Variants in HDAC7 observed in about 807,000 individuals in gnomAD.
The protein encoded by HDAC7 is histone deacetylase 7.
Under a neutral mutation model 115.5 loss-of-function variants are expected in HDAC7, and 26 were observed. The ratio of observed to expected loss-of-function variants is 0.23; its 90% confidence interval spans 0.16 to 0.31. HDAC7 has a LOEUF of 0.31. HDAC7 is among the 10% of genes least tolerant of loss of function. The probability of loss-of-function intolerance (pLI) is 1.00; values close to 1 mark genes in which losing one functional copy is unlikely to be tolerated. For missense variants in HDAC7, 1,068 were observed against 1,329.0 expected, an observed-to-expected ratio of 0.80 and a Z score of 3.05; for synonymous variants, 564 against 550.9, an observed-to-expected ratio of 1.02 and a Z score of -0.33.
At chr12:47,799,912 C>G (rs969667465) in intron 2 of HDAC7, among the ~76,000 whole-genome samples, 3 of 152,172 alleles carry the variant, frequency 2.0e-5, no homozygotes, top group Admixed American at 2.0e-4. Flanking sequence ...AGCAGGCCGG[C>G]CCCATGGGAG....
At chr12:47,818,186 G>A (rs1222699501) in intron 1 of HDAC7, among the ~76,000 whole-genome samples, 1 of 152,098 alleles carries the variant, frequency 6.6e-6, no homozygotes, top group Non-Finnish European at 1.5e-5. Flanking sequence ...AGAGACACCC[G>A]CCGAATAAGG....
At chr12:47,792,740 G>A (rs548982549) in intron 13 of HDAC7, 4 of 449,040 alleles carry the variant, frequency 8.9e-6, no homozygotes, top group Admixed American at 2.4e-5. Flanking sequence ...TAATCTAAAT[G>A]TCTAACTGAT....
intron 24 of HDAC7, 23 bp downstream of exon 24, chr12:47,785,364 G>T: frequency 2.5e-6 from 4 of 1,579,604 alleles, no homozygotes; most frequent in Non-Finnish European, 3.5e-6. Context: ...TGAGCTCAGC[G>T]AGTGTCCCAT....
intron 2 of HDAC7, among the ~76,000 whole-genome samples, chr12:47,799,613 C>T (rs1274536330): frequency 1.3e-5 from 2 of 152,232 alleles, no homozygotes; most frequent in African/African-American, 4.8e-5. Context: ...TCATAGGGCC[C>T]ATGTGTCCTT....
intron 2 of HDAC7, among the ~76,000 whole-genome samples, chr12:47,800,678 C>T (rs1944120844): frequency 6.6e-6 from 1 of 152,304 alleles, no homozygotes; most frequent in Non-Finnish European, 1.5e-5. Context: ...CCTGGCTTCC[C>T]GGGGTGACTC....
intron 21 of HDAC7, among the ~76,000 whole-genome samples, chr12:47,787,245 C>CCCG (rs1555196873): frequency 6.6e-6 from 1 of 151,718 alleles, no homozygotes; most frequent in Admixed American, 6.6e-5. Flanking sequence ...CCAGGCCCCC[C>CCCG]CCCAGCTGCC....
chr12:47,789,841 G>T lies in HDAC7; in HGVS notation c.2063C>A (p.Ala688Asp). 6.2e-7 allele frequency: 1 copy of T among 1,613,698 alleles called. No individual in the cohort carries two copies. The highest frequency in any genetic ancestry group is 8.5e-7 in the Non-Finnish European group (1 of 1,179,894). ...TAGCTCACGAGAAGCCACTTTGAAG[G>T]CGAGGTCAGTGACACTGCCAGCGGC... The part of the protein sequence containing the change: ...RWAAGSVTDL[A>D]FKVASRELKN... Residue 688 changes from alanine (A) to aspartate (D), a missense_variant, in exon 17 of 26, where the codon GCC becomes GAC. Physicochemically the swap from Ala to Asp is moderately radical, Grantham distance 126 (BLOSUM62 -2). Around this residue, in one of 6 missense-constraint regions of HDAC7, gnomAD observed 182 missense variants for 301.1 expected, o/e 0.60. Coordinates refer to ENST00000080059, the MANE Select transcript of HDAC7 (RefSeq NM_015401.5).
At chr12:47,808,934 T>C (rs1362026181) in intron 1 of HDAC7, among the ~76,000 whole-genome samples, 1 of 152,212 alleles carries the variant, frequency 6.6e-6, no homozygotes, top group Non-Finnish European at 1.5e-5. Flanking sequence ...GATAGGAAGT[T>C]CACCATGATG....
At chr12:47,809,301 G>A (rs1216698266) in intron 1 of HDAC7, among the ~76,000 whole-genome samples, 1 of 152,058 alleles carries the variant, frequency 6.6e-6, no homozygotes, top group Non-Finnish European at 1.5e-5. Context: ...CTCCTGCTTT[G>A]CCCACTGGTT....
rs61917651 is a variant in HDAC7 at position 47,798,461 on chromosome 12, G to C, written c.349+101C>G. 22,770 of 1,068,214 alleles carry C rather than the reference G, an allele frequency of 0.021. 334 individuals are homozygous for C. The highest frequency in any genetic ancestry group is 0.027 in the Non-Finnish European group (19,017 of 706,400). 66.2% of individuals were successfully genotyped at this position (1,068,214 alleles called of 1,614,324 possible). A position where few individuals can be genotyped will look rare whatever the true frequency, so the allele number is the denominator to read the frequency against. ...GAGGGAAAGCCTCGGCTCAGGCCCA[G>C]CTGGCTGCGGCCCTCCCACCTCACC... is the stretch of plus-strand genomic sequence containing the variant. On this transcript the variant is annotated intron_variant, in intron 4 of 25. Coordinates refer to ENST00000080059, the MANE Select transcript of HDAC7 (RefSeq NM_015401.5). The surrounding 1 kb of genome is among the most constrained non-coding windows in gnomAD (Gnocchi z 4.3).
chr12:47,820,965 G>A (rs1281356312), upstream of HDAC7, among the ~76,000 whole-genome samples: 1 of 152,160 alleles, frequency 6.6e-6, no homozygotes, highest in African/African-American at 2.4e-5. The surrounding 1 kb of genome is among the most constrained non-coding windows in gnomAD (Gnocchi z 4.3). Flanking sequence ...TAAGGACCTC[G>A]CCATTGTGCT....
In HDAC7 at chr12:47,802,642, AAAG is replaced by A. The variant is rs570269080; in HGVS notation, c.20-371_20-369del. On this transcript the variant is annotated intron_variant, in intron 1 of 25. Transcript: ENST00000080059. ...AAACCAGGCTCCCATCGCCCGAGGG[AAAG>A]AAGAAGGCCAAGAGGTGAGGTGGGG... 297 of 644,034 alleles carry A rather than the reference AAAG, an allele frequency of 4.6e-4. 3 individuals carry two copies. In the South Asian group the frequency reaches 5.8e-3, roughly 13 times the overall value. The allele number at this position is 644,034 out of a possible 1,614,324, so 39.9% of individuals were successfully genotyped here.
Position 47,797,596 on chromosome 12 carries a change from C to G in HDAC7, c.462-97G>C. The G allele has an allele frequency of 6.7e-6, 6 of 896,296 alleles. No homozygotes were observed. The highest frequency in any genetic ancestry group is 2.6e-5 in the Admixed American group (1 of 38,086). The allele number at this position is 896,296 out of a possible 1,614,324, so 55.5% of individuals were successfully genotyped here. Reference sequence around the variant, plus strand: ...CTGGGACCTGAGGGGGAGGCTGCAGCGGGCAGGGCTGGGCAATGTGGGGCT... The same window carrying G: ...CTGGGACCTGAGGGGGAGGCTGCAGGGGGCAGGGCTGGGCAATGTGGGGCT... On this transcript the variant is annotated intron_variant, in intron 5 of 25. Transcript: ENST00000080059. This position sits in a 1 kb window ranked among gnomAD's most constrained non-coding sequence, Gnocchi z 5.5.
chr12:47,796,345 C>A, intron 7 of HDAC7, 47 bp from the exon 8 acceptor site: 6 of 1,455,062 alleles, frequency 4.1e-6, no homozygotes, highest in Non-Finnish European at 5.6e-6. Context: ...CCAGGGTGGG[C>A]AGGAGGGTAC....
chr12:47,797,291 G>GGGCCCCCCC lies in HDAC7; in HGVS notation c.577+92_577+93insGGGGGGGCC. On this transcript the variant is annotated intron_variant, in intron 6 of 25. Transcript: ENST00000080059. This position sits in a 1 kb window ranked among gnomAD's most constrained non-coding sequence, Gnocchi z 5.5. ...AGCCTACCGATGATCTCCTGGCCCAGCCCAGCCCGCCCACCCCTGCACACT... is the reference window on the plus strand; with the variant it reads ...AGCCTACCGATGATCTCCTGGCCCAGGGCCCCCCCCCCAGCCCGCCCACCCCTGCACACT... 6 of 1,336,082 alleles carry GGGCCCCCCC rather than the reference G, an allele frequency of 4.5e-6. No individual in the cohort carries two copies. The highest frequency in any genetic ancestry group is 5.3e-6 in the Non-Finnish European group (5 of 948,862). The allele number at this position is 1,336,082 out of a possible 1,614,324, so 82.8% of individuals were successfully genotyped here. A position where few individuals can be genotyped will look rare whatever the true frequency, so the allele number is the denominator to read the frequency against.
At chr12:47,811,877 G>A (rs1450139661) in intron 1 of HDAC7, among the ~76,000 whole-genome samples, 1 of 152,200 alleles carries the variant, frequency 6.6e-6, no homozygotes, top group African/African-American at 2.4e-5. Flanking sequence ...ACAAAGTCAG[G>A]ACTTACTTAA....
chr12:47,810,844 C>CTCTA (rs376011863), intron 1 of HDAC7, among the ~76,000 whole-genome samples: 4 of 102,162 alleles, frequency 3.9e-5, no homozygotes, highest in Admixed American at 1.8e-4. Flanking sequence ...CTCTCTCTCT[C>CTCTA]TCTATCTCTA....
At chr12:47,796,425 T>TA in intron 7 of HDAC7, 127 bp from the exon 8 acceptor site, 4 of 572,222 alleles carry the variant, frequency 7.0e-6, no homozygotes, top group Non-Finnish European at 8.9e-6. Context: ...CTTCCTGCTT[T>TA]CTTTTTTTTT....
In HDAC7 at chr12:47,798,656, TG is replaced by T; in HGVS notation, c.259-5del. ...GCATCGGCGTGTCCATGGAGAGCTG[TG>T]GGCAGGGCCGGCAGCCCAGAAAGGG... On this transcript the variant is annotated splice_region_variant and splice_polypyrimidine_tract_variant and intron_variant, in intron 3 of 25. Transcript: ENST00000080059. This position sits in a 1 kb window ranked among gnomAD's most constrained non-coding sequence, Gnocchi z 4.3. 6.2e-7 allele frequency: 1 copy of T among 1,612,428 alleles called. No homozygotes were observed. The highest frequency in any genetic ancestry group is 1.1e-5 in the South Asian group (1 of 90,666).
Sources: allele counts gnomAD v4.1 joint callset (sites outside exome capture counted in the v4.1 genomes callset), GRCh38; gene constraint gnomAD v4.1.1; regional missense constraint gnomAD v4.1.1; non-coding constraint Gnocchi (gnomAD v3.1); transcripts MANE v1.5; gene names NCBI Gene and HGNC (gene_info 2026-07-23, HGNC 2026-07-21).